Variants in RNF213 observed in about 807,000 individuals in gnomAD.
RNF213 encodes the protein ring finger protein 213, also known as E3 ubiquitin-protein ligase RNF213.
RNF213 carries 341 observed loss-of-function variants against 514.4 expected under a neutral mutation model. The ratio of observed to expected loss-of-function variants is 0.66; its 90% confidence interval spans 0.61 to 0.73. The LOEUF (loss-of-function observed/expected upper bound fraction) is 0.73. RNF213 is among the 30% of genes least tolerant of loss of function. The probability of loss-of-function intolerance (pLI) is 0.00; values close to 1 mark genes in which losing one functional copy is unlikely to be tolerated. For missense variants in RNF213, 5,767 were observed against 6,615.6 expected (o/e 0.87, Z 4.45); for synonymous variants, 2,655 against 2,658.2 (o/e 1.00, Z 0.04).
intron 16 of RNF213, among the ~76,000 whole-genome samples, chr17:80,318,324 G>A (rs1255572025): frequency 5.9e-5 from 9 of 152,176 alleles, no homozygotes; most frequent in Admixed American, 3.3e-4. Context: ...CAGGCTTTTC[G>A]GCTCGAAGGT....
intron 46 of RNF213, 97 bp from the exon 47 acceptor site, chr17:80,371,777 C>T: frequency 2.8e-6 from 2 of 715,834 alleles, no homozygotes; most frequent in Non-Finnish European, 5.1e-6. Context: ...TACACACACA[C>T]ACACAGGACA....
At chr17:80,277,737 A>C (rs1022162876) in intron 3 of RNF213, among the ~76,000 whole-genome samples, 11 of 152,158 alleles carry the variant, frequency 7.2e-5, no homozygotes, top group South Asian at 2.1e-4. Flanking sequence ...CCAATCCCAC[A>C]GGGAGCCTAT....
At chr17:80,368,532 A>G (rs2079375140) in intron 44 of RNF213, among the ~76,000 whole-genome samples, 1 of 150,696 alleles carries the variant, frequency 6.6e-6, no homozygotes, top group South Asian at 2.1e-4. Context: ...TCCTGGGTTC[A>G]GGCAATTCTC....
chr17:80,319,634 G>A (rs2046071967), intron 17 of RNF213: 2 of 1,516,570 alleles, frequency 1.3e-6, no homozygotes, highest in Non-Finnish European at 1.8e-6. Context: ...GTGGCTGCTG[G>A]TTTGATTGAT....
In RNF213 at chr17:80,353,957, G is replaced by T; in HGVS notation, c.10579-62G>T. 1 of 1,607,828 alleles carries T rather than the reference G, an allele frequency of 6.2e-7. No homozygotes were observed. Among genetic ancestry groups the T allele is most frequent in the Non-Finnish European group, 8.5e-7 (1 of 1,176,014 alleles). ...TTGAGACCCTCATCGCATACGGGCG[G>T]TTTGGCTTTTGCCCACTGTGTCAGT... On this transcript the variant is annotated intron_variant, in intron 34 of 67. Coordinates refer to ENST00000582970, the MANE Select transcript of RNF213 (RefSeq NM_001256071.3). This position sits in a 1 kb window ranked among gnomAD's most constrained non-coding sequence, Gnocchi z 5.0.
intron 63 of RNF213, 97 bp downstream of exon 63, chr17:80,386,988 C>A: frequency 8.4e-7 from 1 of 1,195,582 alleles, no homozygotes; most frequent in Non-Finnish European, 1.2e-6. Flanking sequence ...AGCACCTCAC[C>A]CTGCAGTCTG....
At chr17:80,385,289 C>T (rs2080188096) in intron 60 of RNF213, 118 bp downstream of exon 60, 4 of 1,285,614 alleles carry the variant, frequency 3.1e-6, no homozygotes, top group Non-Finnish European at 4.5e-6. Context: ...GCTCTATAGC[C>T]TAAGCCCTTA....
intron 21 of RNF213, among the ~76,000 whole-genome samples, chr17:80,333,085 G>C (rs2046461138): frequency 6.7e-6 from 1 of 150,258 alleles, no homozygotes; most frequent in Non-Finnish European, 1.5e-5. Flanking sequence ...GTCTCGCTCT[G>C]TCGTCCAGGC....
At chr17:80,261,331 G>A (rs1276108248) in intron 1 of RNF213, among the ~76,000 whole-genome samples, 1 of 152,364 alleles carries the variant, frequency 6.6e-6, no homozygotes, top group Admixed American at 6.5e-5. Context: ...AAGTGAAGTT[G>A]CAAAAACAGA....
intron 11 of RNF213, among the ~76,000 whole-genome samples, chr17:80,300,398 C>T (rs963396098): frequency 6.6e-6 from 1 of 151,978 alleles, no homozygotes; most frequent in Non-Finnish European, 1.5e-5. Context: ...TGTGCGCCAC[C>T]ACATGTGGCT....
chr17:80,393,575 A>T lies in RNF213; in HGVS notation c.*77A>T, dbSNP rs2080571244. ...CCTCGTCTGCGGCGTGGACTTGATC[A>T]TGGACTGGTGCCTTTGCATTCAGAA... On this transcript the variant is annotated 3_prime_UTR_variant, in exon 68 of 68. Coordinates refer to ENST00000582970, the MANE Select transcript of RNF213 (RefSeq NM_001256071.3). 6.7e-7 allele frequency: 1 copy of T among 1,495,882 alleles called. No homozygotes were observed. The highest frequency in any genetic ancestry group is 9.2e-7 in the Non-Finnish European group (1 of 1,082,036). The allele number at this position is 1,495,882 out of a possible 1,614,324, so 92.7% of individuals were successfully genotyped here.
intron 50 of RNF213, 161 bp downstream of exon 50, chr17:80,374,750 C>G: frequency 3.7e-6 from 3 of 803,754 alleles, no homozygotes; most frequent in Non-Finnish European, 6.1e-6. Context: ...CAGGGCGCAC[C>G]TGGCTAGTGT....
intron 10 of RNF213, among the ~76,000 whole-genome samples, chr17:80,296,654 CACG>C (rs2044960506): frequency 6.6e-6 from 1 of 152,212 alleles, no homozygotes; most frequent in African/African-American, 2.4e-5. Flanking sequence ...CATGTCTTAT[CACG>C]ACATCTGCCT....
chr17:80,326,284 C>G (rs2046280084), intron 18 of RNF213, among the ~76,000 whole-genome samples: 1 of 152,094 alleles, frequency 6.6e-6, no homozygotes, highest in Non-Finnish European at 1.5e-5. Context: ...ACCACCATAC[C>G]CAGCCTGTTT....
At chr17:80,381,117 ATAC>A (rs2079982165) in intron 56 of RNF213, 130 bp downstream of exon 56, 15 of 925,566 alleles carry the variant, frequency 1.6e-5, no homozygotes, top group Admixed American at 1.4e-4. Flanking sequence ...ACAAAGTAAT[ATAC>A]AAGTTATACA....
chr17:80,395,323 T>TG lies in RNF213; in HGVS notation c.*1830dup, dbSNP rs2080633291. On this transcript the variant is annotated 3_prime_UTR_variant, in exon 68 of 68. Transcript: ENST00000582970. Reference sequence around the variant, plus strand: ...TTTGCTGCTAAAGAACTCTTCTCTCTGGGGGCAGAGCTTCTATTTATGGCA... The same window carrying TG: ...TTTGCTGCTAAAGAACTCTTCTCTCTGGGGGGCAGAGCTTCTATTTATGGCA... The TG allele has an allele frequency of 6.6e-6, 1 of 152,296 alleles. No homozygotes were observed. Among genetic ancestry groups the TG allele is most frequent in the African/African-American group, 2.4e-5 (1 of 41,562 alleles). 9.4% of individuals were successfully genotyped at this position (152,296 alleles called of 1,614,324 possible). A position where few individuals can be genotyped will look rare whatever the true frequency, so the allele number is the denominator to read the frequency against.
Position 80,377,729 on chromosome 17 carries a change from C to T in RNF213, c.13511-33C>T, listed in dbSNP as rs377640343. 1.5e-5 allele frequency: 25 copies of T among 1,613,686 alleles called. No homozygotes were observed. The highest frequency in any genetic ancestry group is 4.0e-5 in the African/African-American group (3 of 74,924). The stretch of plus-strand genomic sequence containing the variant: ...CAATGTGGGTCATTGGGTGAAACCT[C>T]ATTAGCCAATGTGTGTCCTGTTCTC... On this transcript the variant is annotated intron_variant, in intron 53 of 67. Coordinates refer to ENST00000582970, the MANE Select transcript of RNF213 (RefSeq NM_001256071.3). The surrounding 1 kb of genome is among the most constrained non-coding windows in gnomAD (Gnocchi z 4.1).
rs771318958 is a variant in RNF213, at chr17:80,348,116, T to C, written c.9781T>C (p.Cys3261Arg). 8.7e-6 allele frequency: 14 copies of C among 1,614,002 alleles called. No homozygotes were observed. The highest frequency in any genetic ancestry group is 1.3e-5 in the African/African-American group (1 of 74,952). ...GGAGGCCAAATCGATCCTGCTGAAC[T>C]GCGCTACGCCCGATGCCGTGGTCCG... Reference protein sequence around the residue: ...SEEAKSILLNCATPDAVVRLS... With the variant: ...SEEAKSILLNRATPDAVVRLS... The change falls in exon 29 of 68, where the codon TGC becomes CGC. Residue 3261 changes from cysteine to arginine, a missense_variant. Transcript: ENST00000582970.
intron 6 of RNF213, among the ~76,000 whole-genome samples, chr17:80,290,184 C>T (rs1463401992): frequency 1.3e-5 from 2 of 152,212 alleles, no homozygotes; most frequent in African/African-American, 4.8e-5. Flanking sequence ...ATTTTGGAGG[C>T]AGTGAAGAGA....
Sources: allele counts gnomAD v4.1 joint callset (sites outside exome capture counted in the v4.1 genomes callset), GRCh38; gene constraint gnomAD v4.1.1; non-coding constraint Gnocchi (gnomAD v3.1); transcripts MANE v1.5; gene names NCBI Gene and HGNC (gene_info 2026-07-23, HGNC 2026-07-21).